Variants in ZNF560 observed in about 807,000 individuals in gnomAD.
ZNF560 encodes the protein zinc finger protein 560.
A neutral mutation model predicts 81.8 loss-of-function variants in ZNF560; 54 were observed. The ratio of observed to expected loss-of-function variants is 0.66; its 90% confidence interval spans 0.53 to 0.83. ZNF560 has a LOEUF of 0.83. ZNF560 is among the 40% of genes least tolerant of loss of function. The pLI is 0.00. For synonymous variants in ZNF560, 321 were observed against 317.9 expected (o/e 1.01, Z -0.10); for missense variants, 940 against 932.4 (o/e 1.01, Z -0.11).
intron 2 of ZNF560, among the ~76,000 whole-genome samples, chr19:9,494,008 C>T (rs1437490475): frequency 6.6e-6 from 1 of 151,378 alleles, no homozygotes; most frequent in African/African-American, 2.4e-5. Context: ...TGGTGTGCAC[C>T]TGTAATCCCA....
chr19:9,484,244 T>C (rs1335620712), intron 2 of ZNF560, among the ~76,000 whole-genome samples: 1 of 149,290 alleles, frequency 6.7e-6, no homozygotes, highest in Non-Finnish European at 1.5e-5. Flanking sequence ...TGTCCTATGA[T>C]CCTGCCAAAT....
At chr19:9,502,978 T>C (rs907609006), upstream of ZNF560, among the ~76,000 whole-genome samples, 1 of 152,204 alleles carries the variant, frequency 6.6e-6, no homozygotes, top group African/African-American at 2.4e-5. Context: ...TATTATTTCC[T>C]TTCTTCTGTT....
At chr19:9,495,478 G>C (rs1480936076) in intron 2 of ZNF560, among the ~76,000 whole-genome samples, 2 of 152,176 alleles carry the variant, frequency 1.3e-5, no homozygotes, top group Non-Finnish European at 2.9e-5. Flanking sequence ...GGCCAAGGTG[G>C]GCCAATCACT....
rs529704393 is a variant in ZNF560, at chr19:9,466,683, C to A, written c.2264G>T (p.Arg755Leu). 1.9e-6 allele frequency: 3 copies of A among 1,613,774 alleles called. No homozygotes were observed. Among genetic ancestry groups the A allele is most frequent in the Non-Finnish European group, 2.5e-6 (3 of 1,179,944 alleles). The change falls in exon 10 of 10, where the codon CGT becomes CTT. Residue 755 changes from arginine (R) to leucine (L), a missense_variant. By Grantham distance (102) the Arg-to-Leu change is moderately radical. Coordinates refer to ENST00000301480, the MANE Select transcript of ZNF560 (RefSeq NM_152476.3). Reference protein sequence around the residue: ...CGKAFRTSSGRIQHLRTHMGE... With the variant: ...CGKAFRTSSGLIQHLRTHMGE... The stretch of plus-strand genomic sequence containing the variant: ...CATATGAGTTCTTAAATGTTGAATA[C>A]GTCCTGAGGATGTACGGAAGGCCTT...
In ZNF560 at chr19:9,473,512, AG is replaced by A. The variant is rs369909136; in HGVS notation, c.158-254del. Reference sequence around the variant, plus strand: ...AGAATTGCTTGAACCCAGGAGGCAGAGGTTGCAGTGAGCCGAGATCATGCCA... The same window carrying A: ...AGAATTGCTTGAACCCAGGAGGCAGAGTTGCAGTGAGCCGAGATCATGCCA... On this transcript the variant is annotated intron_variant, in intron 4 of 9. Coordinates refer to ENST00000301480, the MANE Select transcript of ZNF560 (RefSeq NM_152476.3). 5.7e-4 allele frequency among the ~76,000 whole-genome samples: 86 copies of A among 152,120 alleles called. 1 individual carries two copies. The highest frequency in any genetic ancestry group is 2.0e-3 in the African/African-American group (82 of 41,496).
chr19:9,496,585 A>G (rs966064361), intron 2 of ZNF560, among the ~76,000 whole-genome samples: 2 of 144,936 alleles, frequency 1.4e-5, no homozygotes, highest in Admixed American at 1.4e-4. Flanking sequence ...CTGAACTTGG[A>G]AAAAAAAAAG....
intron 2 of ZNF560, among the ~76,000 whole-genome samples, chr19:9,484,738 G>A (rs995042186): frequency 1.6e-4 from 24 of 150,578 alleles, no homozygotes; most frequent in African/African-American, 5.1e-4. Context: ...AGCTGAGATC[G>A]CACCACTGCA....
chr19:9,473,026 G>C (rs1192847121), intron 5 of ZNF560, among the ~76,000 whole-genome samples, 153 bp downstream of exon 5: 1 of 152,178 alleles, frequency 6.6e-6, no homozygotes, highest in Non-Finnish European at 1.5e-5. Context: ...GCTTTCTGTA[G>C]AGCCTGCAGA....
At chr19:9,452,429 T>G in the ZNF560 span, among the ~76,000 whole-genome samples, 1 of 152,220 alleles carries the variant, frequency 6.6e-6, no homozygotes, top group Non-Finnish European at 1.5e-5. Context: ...TAGATTTTTC[T>G]ATCAAATAGA....
intron 2 of ZNF560, among the ~76,000 whole-genome samples, chr19:9,478,565 G>A (rs2073237872): frequency 6.6e-6 from 1 of 152,076 alleles, no homozygotes; most frequent in Non-Finnish European, 1.5e-5. Context: ...AGAGATAAAA[G>A]TATTAGGAAC....
At position 9,468,081 on chromosome 19, in the gene ZNF560, T is replaced by C. The variant is rs1322740824; in HGVS notation, c.866A>G (p.Asp289Gly). Residue 289 changes from aspartate (D) to glycine (G), a missense_variant, in exon 10 of 10, where the codon GAT (aspartate) becomes GGT (glycine). Asp to Gly is a moderately conservative substitution (Grantham distance 94). Coordinates refer to ENST00000301480, the MANE Select transcript of ZNF560 (RefSeq NM_152476.3). Reference sequence around the variant, plus strand: ...ATAGTCAGTGCCTTCAAAGGATTTATCTTGTGTACACTTTCTCTGGACCTG... The same window carrying C: ...ATAGTCAGTGCCTTCAAAGGATTTACCTTGTGTACACTTTCTCTGGACCTG... Reference protein sequence around the residue: ...NVQVQRKCTQDKSFEGTDYGK... With the variant: ...NVQVQRKCTQGKSFEGTDYGK... 6.2e-7 allele frequency: 1 copy of C among 1,614,112 alleles called. No individual in the cohort carries two copies. Among genetic ancestry groups the C allele is most frequent in the East Asian group, 2.2e-5 (1 of 44,888 alleles).
At position 9,468,107 on chromosome 19, in the gene ZNF560, A is replaced by T; in HGVS notation, c.840T>A (p.Val280=). 1 of 1,614,100 alleles carries T rather than the reference A, an allele frequency of 6.2e-7. No individual in the cohort carries two copies. The highest frequency in any genetic ancestry group is 8.5e-7 in the Non-Finnish European group (1 of 1,180,008). Residue 280 remains valine, a synonymous_variant, in exon 10 of 10, where the codon GTT becomes GTA. Coordinates refer to ENST00000301480, the MANE Select transcript of ZNF560 (RefSeq NM_152476.3). ...CTTGTGTACACTTTCTCTGGACCTG[A>T]ACATTTAAAATCAGGCGGAAAGATT... The part of the protein sequence containing the change: ...HGKSFRLILN[V]QVQRKCTQDK...
At chr19:9,502,386 GT>G (rs1179789405), upstream of ZNF560, among the ~76,000 whole-genome samples, 2 of 151,556 alleles carry the variant, frequency 1.3e-5, no homozygotes, top group Non-Finnish European at 2.9e-5. Context: ...TAATTTTTGT[GT>G]TTTTAGTAGA....
chr19:9,469,339 G>T, intron 8 of ZNF560, 152 bp from the exon 9 acceptor site: 1 of 673,482 alleles, frequency 1.5e-6, no homozygotes, highest in Non-Finnish European at 2.5e-6. Context: ...CTTATTCTAT[G>T]AAAATTAAAC....
chr19:9,502,375 C>T (rs1252828996), upstream of ZNF560, among the ~76,000 whole-genome samples: 1 of 151,734 alleles, frequency 6.6e-6, no homozygotes, highest in Admixed American at 6.6e-5. Flanking sequence ...CCACGCCCAG[C>T]TAATTTTTGT....
At chr19:9,465,561 C>A (rs563473203), downstream of ZNF560, among the ~76,000 whole-genome samples, 1 of 152,172 alleles carries the variant, frequency 6.6e-6, no homozygotes, top group African/African-American at 2.4e-5. Flanking sequence ...AGTGTAAGTT[C>A]TTTCCTATCT....
chr19:9,491,680 G>T (rs1288932920), intron 2 of ZNF560, among the ~76,000 whole-genome samples: 1 of 151,538 alleles, frequency 6.6e-6, no homozygotes, highest in Non-Finnish European at 1.5e-5. Context: ...CAAAAAATTA[G>T]CTGGGTGTGG....
chr19:9,466,914 T>A lies in ZNF560; in HGVS notation c.2033A>T (p.His678Leu). ...SCVLTQHLKTHAAEKTSECNA... is the reference protein window; with the variant it reads ...SCVLTQHLKTLAAEKTSECNA... ...ACATTCAGAGGTCTTCTCTGCTGCA[T>A]GAGTTTTTAAGTGTTGAGTTAGTAC... Residue 678 changes from histidine to leucine, a missense_variant, in exon 10 of 10, where the codon CAT becomes CTT. Coordinates refer to ENST00000301480, the MANE Select transcript of ZNF560 (RefSeq NM_152476.3). 1 of 1,612,858 alleles carries A rather than the reference T, an allele frequency of 6.2e-7. No homozygotes were observed. Among genetic ancestry groups the A allele is most frequent in the Non-Finnish European group, 8.5e-7 (1 of 1,178,832 alleles).
chr19:9,448,395 CTTT>C, the ZNF560 span, among the ~76,000 whole-genome samples: 3 of 89,802 alleles, frequency 3.3e-5, no homozygotes, highest in Admixed American at 1.3e-4. Flanking sequence ...CCATGCCTGG[CTTT>C]TTTTTTTTTT....
Sources: allele counts gnomAD v4.1 joint callset (sites outside exome capture counted in the v4.1 genomes callset), GRCh38; gene constraint gnomAD v4.1.1; transcripts MANE v1.5; gene names NCBI Gene and HGNC (gene_info 2026-07-23, HGNC 2026-07-21).